Variants in CSMD1 observed in about 807,000 individuals in gnomAD.
CSMD1 encodes CUB and Sushi multiple domains 1, also known as CUB and sushi domain-containing protein 1.
A neutral mutation model predicts 417.5 loss-of-function variants in CSMD1; 213 were observed. The ratio of observed to expected loss-of-function variants is 0.51; its 90% CI spans 0.46 to 0.57. The LOEUF (loss-of-function observed/expected upper bound fraction) is 0.57, where lower values mean the gene tolerates loss of function less well. CSMD1 is among the 20% of genes least tolerant of loss of function. CSMD1 has a pLI of 0.00. For synonymous variants in CSMD1, 2,862 were observed against 1,736.8 expected, an observed-to-expected ratio of 1.65 and a Z score of -16.11; for missense variants, 6,923 against 4,529.7, an observed-to-expected ratio of 1.53 and a Z score of -15.17.
At chr8:4,180,025 C>A (rs1245846002) in intron 3 of CSMD1, among the ~76,000 whole-genome samples, 2 of 152,038 alleles carry the variant, frequency 1.3e-5, no homozygotes, top group Non-Finnish European at 2.9e-5. Flanking sequence ...TGTGGCGATT[C>A]CTCAAGGACC....
In CSMD1 at chr8:4,266,588, G is replaced by A. The variant is rs1373761177; in HGVS notation, c.415+153365C>T. 3.8e-5 allele frequency among the ~76,000 whole-genome samples: 4 copies of A among 104,592 alleles called. 2 individuals carry two copies. 68.6% of individuals were successfully genotyped at this position (104,592 alleles called of 152,430 possible). A position where few individuals can be genotyped will look rare whatever the true frequency, so the allele number is the denominator to read the frequency against. Reference sequence around the variant, plus strand: ...CAATTTTAAACAAGTACACCATACAGGTATGTCCCCACTAATGGCGTAAAG... The same window carrying A: ...CAATTTTAAACAAGTACACCATACAAGTATGTCCCCACTAATGGCGTAAAG... On this transcript the variant is annotated intron_variant, in intron 3 of 69. Coordinates refer to ENST00000635120, the MANE Select transcript of CSMD1 (RefSeq NM_033225.6).
At chr8:4,636,249 G>C (rs1242266892) in intron 2 of CSMD1, among the ~76,000 whole-genome samples, 1 of 151,992 alleles carries the variant, frequency 6.6e-6, no homozygotes, top group East Asian at 1.9e-4. Flanking sequence ...TTCTTCCTTT[G>C]CCAAATTGAA....
intron 12 of CSMD1, among the ~76,000 whole-genome samples, chr8:3,415,865 T>C (rs1395986308): frequency 6.6e-6 from 1 of 152,172 alleles, no homozygotes; most frequent in Non-Finnish European, 1.5e-5. Context: ...TAGAAACATA[T>C]CCCCAAGTTT....
Position 4,178,810 on chromosome 8 carries a change from G to A in CSMD1, c.416-146711C>T, listed in dbSNP as rs1313607982. Among the ~76,000 whole-genome samples the A allele has an allele frequency of 5.9e-5, 9 of 152,240 alleles. No homozygotes were observed. In the East Asian group the frequency reaches 1.5e-3, roughly 26 times the overall value. On this transcript the variant is annotated intron_variant, in intron 3 of 69. Coordinates refer to ENST00000635120, the MANE Select transcript of CSMD1 (RefSeq NM_033225.6). ...CAAAAGACAAACAGCCAAATCAGGA[G>A]TGAACTCCCATTCACAATTCCTTCA...
chr8:4,165,363 C>T (rs1343476378), intron 3 of CSMD1, among the ~76,000 whole-genome samples: 2 of 152,192 alleles, frequency 1.3e-5, no homozygotes, highest in Non-Finnish European at 2.9e-5. Flanking sequence ...CCTTAGGACT[C>T]TAAAACAACT....
chr8:3,503,666 G>T (rs1023084974), intron 10 of CSMD1, among the ~76,000 whole-genome samples: 6 of 152,182 alleles, frequency 3.9e-5, no homozygotes, highest in African/African-American at 1.4e-4. Flanking sequence ...GAGAGAATTA[G>T]TCTCAGCTCA....
intron 2 of CSMD1, among the ~76,000 whole-genome samples, chr8:4,631,796 T>G (rs1219222909): frequency 6.6e-6 from 1 of 152,160 alleles, no homozygotes; most frequent in Non-Finnish European, 1.5e-5. Flanking sequence ...TGCAGAAAAT[T>G]AGGGGTAATC....
At chr8:4,079,382 C>G (rs2554635) in intron 3 of CSMD1, among the ~76,000 whole-genome samples, 63,977 of 152,016 alleles carry the variant, frequency 0.42, 15,016 homozygotes, top group South Asian at 0.62. Context: ...ATCAGGCATT[C>G]TATTCAGTTT....
At chr8:4,769,488 A>C (rs947879719) in intron 1 of CSMD1, among the ~76,000 whole-genome samples, 2 of 152,230 alleles carry the variant, frequency 1.3e-5, no homozygotes, top group Admixed American at 1.3e-4. Flanking sequence ...GTATTAATAT[A>C]ACATTTGAAA....
At chr8:3,232,788 T>G (rs1798918337) in intron 26 of CSMD1, among the ~76,000 whole-genome samples, 1 of 152,148 alleles carries the variant, frequency 6.6e-6, no homozygotes, top group Non-Finnish European at 1.5e-5. Context: ...CCTTTTTGCT[T>G]GCTTTCATAC....
chr8:3,617,909 G>A (rs149373279), intron 7 of CSMD1, among the ~76,000 whole-genome samples: 99 of 152,184 alleles, frequency 6.5e-4, no homozygotes, highest in African/African-American at 2.2e-3. Context: ...AAATAATTCC[G>A]TGAGAAGAAA....
chr8:3,776,872 G>A (rs1484647385), intron 5 of CSMD1, among the ~76,000 whole-genome samples: 1 of 148,366 alleles, frequency 6.7e-6, no homozygotes, highest in Non-Finnish European at 1.5e-5. Flanking sequence ...AAAGATAGCT[G>A]ATAGATATAA....
chr8:4,736,588 T>G (rs1179034900), intron 1 of CSMD1, among the ~76,000 whole-genome samples: 1 of 152,184 alleles, frequency 6.6e-6, no homozygotes, highest in Non-Finnish European at 1.5e-5. Context: ...GAAAATGGGT[T>G]TGCACATATT....
At position 4,015,730 on chromosome 8, in the gene CSMD1, T is replaced by C. The variant is rs1369615882; in HGVS notation, c.610+16175A>G. Among the ~76,000 whole-genome samples, 15 of 132,022 alleles carry C rather than the reference T, an allele frequency of 1.1e-4. No individual in the cohort carries two copies. The South Asian group carries it at 1.9e-3, about 16-fold the overall frequency. The allele number at this position is 132,022 out of a possible 152,430, so 86.6% of individuals were successfully genotyped here. A position where few individuals can be genotyped will look rare whatever the true frequency, so the allele number is the denominator to read the frequency against. Reference sequence around the variant, plus strand: ...CATTTTATCTAAAACTGTTGAAAAATACTGACAATGTGTTTTGACATGTTT... The same window carrying C: ...CATTTTATCTAAAACTGTTGAAAAACACTGACAATGTGTTTTGACATGTTT... On this transcript the variant is annotated intron_variant, in intron 4 of 69. Coordinates refer to ENST00000635120, the MANE Select transcript of CSMD1 (RefSeq NM_033225.6).
intron 3 of CSMD1, among the ~76,000 whole-genome samples, chr8:4,163,697 A>C (rs901119722): frequency 1.6e-4 from 24 of 152,198 alleles, no homozygotes; most frequent in African/African-American, 5.5e-4. Flanking sequence ...ATAAATAATA[A>C]AATTTTTTTA....
Position 4,515,343 on chromosome 8 carries a change from G to A in CSMD1, c.303-95278C>T, listed in dbSNP as rs551899591. On this transcript the variant is annotated intron_variant, in intron 2 of 69. Coordinates refer to ENST00000635120, the MANE Select transcript of CSMD1 (RefSeq NM_033225.6). ...GTAAATAAACAATAGTTATGGCCTC[G>A]CTTGATAGGTGCCATGACATAGTGG... 1.6e-3 allele frequency among the ~76,000 whole-genome samples: 249 copies of A among 152,220 alleles called. 1 individual carries two copies. The highest frequency in any genetic ancestry group is 6.8e-3 in the Middle Eastern group (2 of 294).
intron 6 of CSMD1, among the ~76,000 whole-genome samples, chr8:3,732,132 C>G (rs750735743): frequency 6.6e-6 from 1 of 152,144 alleles, no homozygotes; most frequent in African/African-American, 2.4e-5. Flanking sequence ...GGGCTCCTAG[C>G]GGAAGCCACG....
At chr8:4,063,580 C>A (rs1245681470) in intron 3 of CSMD1, among the ~76,000 whole-genome samples, 2 of 152,132 alleles carry the variant, frequency 1.3e-5, no homozygotes, top group Admixed American at 1.3e-4. Flanking sequence ...AGCAATATTC[C>A]TTGGCACTGA....
chr8:3,472,999 G>A (rs949879919), intron 11 of CSMD1, among the ~76,000 whole-genome samples: 2 of 151,970 alleles, frequency 1.3e-5, no homozygotes, highest in Non-Finnish European at 2.9e-5. Flanking sequence ...CACCAAAGTA[G>A]GCTCCTAACT....
Sources: allele counts gnomAD v4.1 joint callset (sites outside exome capture counted in the v4.1 genomes callset), GRCh38; gene constraint gnomAD v4.1.1; transcripts MANE v1.5; gene names NCBI Gene and HGNC (gene_info 2026-07-23, HGNC 2026-07-21).